Variants in ADAM7 observed in about 807,000 individuals in gnomAD.
The protein encoded by ADAM7 is disintegrin and metalloproteinase domain-containing protein 7.
Under a neutral mutation model 102.9 loss-of-function variants are expected in ADAM7, and 97 were observed. That is an observed-to-expected ratio of 0.94 (90% CI 0.80 to 1.12). The LOEUF is 1.12. ADAM7 is among the 50% of genes most tolerant of loss of function. The pLI, the probability that ADAM7 is intolerant of heterozygous loss-of-function variation, is 0.00. For missense variants in ADAM7, 991 were observed against 908.7 expected (o/e 1.09, Z -1.16); for synonymous variants, 334 against 304.4 (o/e 1.10, Z -1.01).
Position 24,504,023 on chromosome 8 carries a change from AAAAATAAAAT to A in ADAM7, c.2208+2481_2208+2490del, listed in dbSNP as rs140673463. Among the ~76,000 whole-genome samples the A allele has an allele frequency of 5.1e-3, 747 of 145,786 alleles. 6 individuals are homozygous for A. The highest frequency in any genetic ancestry group is 0.017 in the African/African-American group (656 of 38,782). ...ACATGTATCCCTGAACTTCAAGTACAAAAATAAAATAAAATAAAATAAAATAAAATAAAAT... is the reference window on the plus strand; with the variant it reads ...ACATGTATCCCTGAACTTCAAGTACAAAAATAAAATAAAATAAAATAAAAT... On this transcript the variant is annotated intron_variant, in intron 20 of 21. Coordinates refer to ENST00000175238, the MANE Select transcript of ADAM7 (RefSeq NM_003817.4).
rs118014244 is a variant in ADAM7, at chr8:24,455,193, C to T, written c.233+7931C>T. 8.7e-4 allele frequency among the ~76,000 whole-genome samples: 132 copies of T among 152,114 alleles called. 1 individual carries two copies. In the East Asian group the frequency reaches 0.024, roughly 28 times the overall value. On this transcript the variant is annotated intron_variant, in intron 3 of 21. Transcript: ENST00000175238. ...CAGAATTGAAAAAAATCCATATACC[C>T]GCTAACATATACATATACCCATAGA... is the stretch of plus-strand genomic sequence containing the variant.
intron 3 of ADAM7, among the ~76,000 whole-genome samples, chr8:24,451,172 G>C (rs1473038811): frequency 6.6e-6 from 1 of 151,836 alleles, no homozygotes; most frequent in Admixed American, 6.6e-5. Context: ...CATAAAATGA[G>C]TTAGGGAGGA....
chr8:24,501,907 C>T (rs535926487), intron 20 of ADAM7, among the ~76,000 whole-genome samples: 108 of 152,136 alleles, frequency 7.1e-4, no homozygotes, highest in African/African-American at 2.3e-3. Context: ...CTTAAAAGAA[C>T]TGAGCTGGGC....
At chr8:24,470,077 A>G (rs1451878111) in intron 7 of ADAM7, among the ~76,000 whole-genome samples, 1 of 152,164 alleles carries the variant, frequency 6.6e-6, no homozygotes, top group Non-Finnish European at 1.5e-5. Flanking sequence ...ATCAGATAAC[A>G]TGGTAGAAAA....
At chr8:24,486,524 T>A (rs1024232029) in intron 10 of ADAM7, among the ~76,000 whole-genome samples, 7 of 152,194 alleles carry the variant, frequency 4.6e-5, no homozygotes, top group African/African-American at 9.6e-5. Flanking sequence ...GTGTAGGATA[T>A]TTATCTTAGC....
chr8:24,487,369 G>GGTGCA lies in ADAM7; in HGVS notation c.1091+53_1091+54insTGCAG, dbSNP rs368997484. 1,457 of 1,581,684 alleles carry GGTGCA rather than the reference G, an allele frequency of 9.2e-4. 12 individuals are homozygous for GGTGCA. The African/African-American group carries it at 0.018, about 19-fold the overall frequency. On this transcript the variant is annotated intron_variant, in intron 11 of 21. Transcript: ENST00000175238. ...CACTTACATAATTCAGAAGTGGGCTGGGCATGGTGGCTTATGCCTGTAATC... is the reference window on the plus strand; with the variant it reads ...CACTTACATAATTCAGAAGTGGGCTGGTGCAGGCATGGTGGCTTATGCCTGTAATC...
Position 24,508,596 on chromosome 8 carries a change from C to T in ADAM7, c.*50C>T. The T allele has an allele frequency of 3.7e-6, 6 of 1,612,948 alleles. No homozygotes were observed. The highest frequency in any genetic ancestry group is 5.1e-6 in the Non-Finnish European group (6 of 1,179,346). ...GCCGTGCAAGCTTAGGCTGGGGATTCTGGATGCAACGTCTTTACAACCTTA... is the reference window on the plus strand; with the variant it reads ...GCCGTGCAAGCTTAGGCTGGGGATTTTGGATGCAACGTCTTTACAACCTTA... On this transcript the variant is annotated 3_prime_UTR_variant, in exon 22 of 22. Coordinates refer to ENST00000175238, the MANE Select transcript of ADAM7 (RefSeq NM_003817.4).
intron 16 of ADAM7, among the ~76,000 whole-genome samples, chr8:24,496,403 C>T (rs1379712992): frequency 6.6e-6 from 1 of 152,208 alleles, no homozygotes; most frequent in Non-Finnish European, 1.5e-5. Context: ...TGAGGCATTG[C>T]CTAGTGGAGC....
chr8:24,485,176 AT>A, intron 9 of ADAM7, 100 bp from the exon 10 acceptor site: 1 of 1,048,668 alleles, frequency 9.5e-7, no homozygotes, highest in South Asian at 1.4e-5. Flanking sequence ...GCATTTTCAC[AT>A]GCAAAAGCAT....
chr8:24,465,042 C>G (rs1057118422), intron 4 of ADAM7, among the ~76,000 whole-genome samples: 4 of 152,196 alleles, frequency 2.6e-5, no homozygotes, highest in Non-Finnish European at 5.9e-5. Context: ...GCCTTGGCCT[C>G]CCAAAGTGCT....
intron 2 of ADAM7, among the ~76,000 whole-genome samples, chr8:24,446,912 A>T (rs1190725161): frequency 4.0e-5 from 6 of 149,092 alleles, no homozygotes; most frequent in Non-Finnish European, 7.4e-5. Context: ...ATAACTAATA[A>T]TATAAACTAT....
chr8:24,454,683 CACTCCCTAGTGAG>C (rs1464293943), intron 3 of ADAM7, among the ~76,000 whole-genome samples: 3 of 152,122 alleles, frequency 2.0e-5, no homozygotes, highest in African/African-American at 7.2e-5. Context: ...CACTGTCTGG[CACTCCCTAGTGAG>C]ATGAACCCGG....
In ADAM7 at chr8:24,455,959, A is replaced by AT. The variant is rs530364710; in HGVS notation, c.234-7912dup. Among the ~76,000 whole-genome samples the AT allele has an allele frequency of 2.0e-3, 297 of 147,042 alleles. 2 individuals are homozygous for AT. The highest frequency in any genetic ancestry group is 3.4e-3 in the Non-Finnish European group (222 of 66,252). ...AACATATCTATCACCTCAACTACTT[A>AT]TTTTTTTTTTTGTGGTGCAAACACT... On this transcript the variant is annotated intron_variant, in intron 3 of 21. Coordinates refer to ENST00000175238, the MANE Select transcript of ADAM7 (RefSeq NM_003817.4).
chr8:24,458,871 G>T (rs1819136377), intron 3 of ADAM7, among the ~76,000 whole-genome samples: 1 of 151,912 alleles, frequency 6.6e-6, no homozygotes, highest in Non-Finnish European at 1.5e-5. Context: ...CGATATGGCA[G>T]TGTACACTGA....
intron 3 of ADAM7, among the ~76,000 whole-genome samples, chr8:24,462,409 T>C (rs1819275067): frequency 6.6e-6 from 1 of 152,198 alleles, no homozygotes; most frequent in African/African-American, 2.4e-5. Flanking sequence ...CAACTGTGGT[T>C]TTCTAGCAGA....
At chr8:24,450,874 T>C (rs1022587554) in intron 3 of ADAM7, among the ~76,000 whole-genome samples, 16 of 152,338 alleles carry the variant, frequency 1.1e-4, no homozygotes, top group African/African-American at 3.8e-4. Context: ...TGTTGAATTT[T>C]GTCAGAGGCC....
At chr8:24,493,481 A>G (rs1820441608) in intron 16 of ADAM7, among the ~76,000 whole-genome samples, 1 of 113,548 alleles carries the variant, frequency 8.8e-6, no homozygotes, top group Non-Finnish European at 1.8e-5. Context: ...CAGATATCTA[A>G]TTAGACATGG....
At position 24,468,759 on chromosome 8, in the gene ADAM7, C is replaced by T. The variant is rs377113891; in HGVS notation, c.580-8C>T. On this transcript the variant is annotated splice_region_variant and splice_polypyrimidine_tract_variant and intron_variant, in intron 6 of 21. Transcript: ENST00000175238. ...TATACTTCAACTGAATTTTCCCTAA[C>T]TTTACAGGGCATCCATGATGAAAAG... 4.3e-6 allele frequency: 7 copies of T among 1,612,650 alleles called. No individual in the cohort carries two copies. Among genetic ancestry groups the T allele is most frequent in the Admixed American group, 1.7e-5 (1 of 59,942 alleles).
chr8:24,459,339 A>C (rs1819156915), intron 3 of ADAM7, among the ~76,000 whole-genome samples: 1 of 151,924 alleles, frequency 6.6e-6, no homozygotes, highest in African/African-American at 2.4e-5. Context: ...AAAATGTAAT[A>C]ATTTATTTAG....
Sources: gnomAD v4.1 joint callset for allele counts (sites outside exome capture counted in the v4.1 genomes callset) on GRCh38, gnomAD v4.1.1 for gene constraint, MANE v1.5 for transcripts, NCBI Gene and HGNC (gene_info 2026-07-23, HGNC 2026-07-21) for gene names.